TTC29: variants seen among roughly 807,000 people sequenced by gnomAD.
TTC29 encodes the protein tetratricopeptide repeat protein 29.
A neutral mutation model predicts 58.1 loss-of-function variants in TTC29; 49 were observed. That is an observed-to-expected ratio of 0.84 (90% CI 0.67 to 1.07). TTC29 has a LOEUF of 1.07. Ranked by LOEUF, TTC29 falls within the 50% of genes least tolerant of loss-of-function variation. The probability of loss-of-function intolerance (pLI) is 0.00; values close to 1 mark genes in which losing one functional copy is unlikely to be tolerated. For synonymous variants in TTC29, 209 were observed against 196.8 expected (o/e 1.06, Z -0.52); for missense variants, 582 against 555.6 (o/e 1.05, Z -0.48).
chr4:146,923,287 G>C (rs974251130), intron 4 of TTC29, among the ~76,000 whole-genome samples: 1 of 151,574 alleles, frequency 6.6e-6, no homozygotes, highest in South Asian at 2.1e-4. Context: ...AATTAAAATC[G>C]TAGCTCAATA....
intron 4 of TTC29, among the ~76,000 whole-genome samples, chr4:146,912,091 A>G (rs1733935582): frequency 6.6e-6 from 1 of 150,938 alleles, no homozygotes; most frequent in Non-Finnish European, 1.5e-5. Context: ...TAACACTAAC[A>G]ATAGCTGATA....
intron 11 of TTC29, among the ~76,000 whole-genome samples, chr4:146,729,899 G>A (rs1033887792): frequency 9.2e-5 from 14 of 151,808 alleles, no homozygotes; most frequent in African/African-American, 2.7e-4. Flanking sequence ...ACCCTCCCTC[G>A]ATACGTGGGG....
At chr4:146,842,051 T>C (rs945744072) in intron 8 of TTC29, among the ~76,000 whole-genome samples, 1 of 152,066 alleles carries the variant, frequency 6.6e-6, no homozygotes, top group Non-Finnish European at 1.5e-5. Context: ...TGTTTTAGGT[T>C]GCTATAATTA....
intron 8 of TTC29, among the ~76,000 whole-genome samples, chr4:146,843,848 T>C (rs750674961): frequency 4.6e-5 from 7 of 152,334 alleles, no homozygotes; most frequent in Non-Finnish European, 8.8e-5. Flanking sequence ...TTGTATTTGA[T>C]TGAAATTTTA....
chr4:146,868,891 T>C (rs940467113), intron 7 of TTC29, among the ~76,000 whole-genome samples: 3 of 151,994 alleles, frequency 2.0e-5, no homozygotes, highest in Non-Finnish European at 4.4e-5. Flanking sequence ...CTTGGTGCCA[T>C]CCTTATGGTA....
At chr4:146,866,777 A>C (rs1730589622) in intron 8 of TTC29, among the ~76,000 whole-genome samples, 1 of 152,210 alleles carries the variant, frequency 6.6e-6, no homozygotes, top group African/African-American at 2.4e-5. Flanking sequence ...GGAACAAAGA[A>C]GATCCCAAAA....
chr4:146,748,040 G>A (rs1265769106), intron 11 of TTC29, among the ~76,000 whole-genome samples: 2 of 152,208 alleles, frequency 1.3e-5, no homozygotes, highest in African/African-American at 4.8e-5. Context: ...CAGAGCCTAG[G>A]CTACTGCCAC....
intron 4 of TTC29, among the ~76,000 whole-genome samples, chr4:146,923,279 T>A (rs1443913820): frequency 6.6e-6 from 1 of 151,604 alleles, no homozygotes; most frequent in Non-Finnish European, 1.5e-5. Flanking sequence ...CATAAGAAAA[T>A]TAAAATCGTA....
chr4:146,790,940 C>T (rs1202983386), intron 11 of TTC29, among the ~76,000 whole-genome samples: 1 of 152,158 alleles, frequency 6.6e-6, no homozygotes, highest in East Asian at 1.9e-4. Flanking sequence ...TATATGCAAA[C>T]CTGAAAAATT....
chr4:146,769,908 C>A (rs35085760), intron 11 of TTC29, among the ~76,000 whole-genome samples: 9,134 of 151,966 alleles, frequency 0.06, 378 homozygotes, highest in Admixed American at 0.13. Flanking sequence ...CTTCTCAAAG[C>A]TTTTTGTGTC....
intron 4 of TTC29, among the ~76,000 whole-genome samples, chr4:146,919,169 A>C (rs995101329): frequency 6.6e-6 from 1 of 151,102 alleles, no homozygotes; most frequent in East Asian, 1.9e-4. Context: ...TTAAAGGAGA[A>C]TTTTTCAGGG....
intron 6 of TTC29, among the ~76,000 whole-genome samples, chr4:146,893,998 T>G (rs1405516814): frequency 5.3e-5 from 8 of 152,112 alleles, no homozygotes; most frequent in Admixed American, 1.3e-4. Context: ...TCACACCAGC[T>G]AGAATGGCAA....
intron 7 of TTC29, among the ~76,000 whole-genome samples, chr4:146,873,280 T>C (rs1731052943): frequency 6.6e-6 from 1 of 152,172 alleles, no homozygotes; most frequent in Non-Finnish European, 1.5e-5. Context: ...TTACCCTCTT[T>C]AAGAGCTCTG....
At chr4:146,714,260 CA>C (rs911441678) in intron 11 of TTC29, among the ~76,000 whole-genome samples, 1 of 152,006 alleles carries the variant, frequency 6.6e-6, no homozygotes, top group Non-Finnish European at 1.5e-5. Flanking sequence ...GGAACAAAAA[CA>C]AAGTTACTCT....
intron 8 of TTC29, among the ~76,000 whole-genome samples, chr4:146,844,709 T>C (rs972848451): frequency 6.6e-6 from 1 of 152,106 alleles, no homozygotes; most frequent in Non-Finnish European, 1.5e-5. Context: ...GCTAAGGAAA[T>C]CCATTGGAGA....
chr4:146,937,537 GAATC>G (rs1735940187), intron 4 of TTC29, 53 bp downstream of exon 4: 1 of 1,124,848 alleles, frequency 8.9e-7, no homozygotes, highest in African/African-American at 1.6e-5. Context: ...TTTCAATAAA[GAATC>G]AAGACAAAAG....
chr4:146,939,768 T>A (rs1322884849), intron 3 of TTC29, 36 bp downstream of exon 3: 1 of 1,546,274 alleles, frequency 6.5e-7, no homozygotes, highest in Non-Finnish European at 8.8e-7. Context: ...GAAAATTCCT[T>A]CTGTAGGAAA....
chr4:146,772,781 C>T (rs1415094542), intron 11 of TTC29, among the ~76,000 whole-genome samples: 3 of 151,978 alleles, frequency 2.0e-5, no homozygotes, highest in South Asian at 2.1e-4. Flanking sequence ...GGCAGTTTGA[C>T]AGGAATAGCA....
chr4:146,874,611 A>G, intron 7 of TTC29, 105 bp downstream of exon 7: 1 of 903,828 alleles, frequency 1.1e-6, no homozygotes, highest in Non-Finnish European at 1.7e-6. Context: ...TTTGCATTTC[A>G]TAGGAAATAA....
Sources: gnomAD v4.1 joint callset for allele counts (sites outside exome capture counted in the v4.1 genomes callset) on GRCh38, gnomAD v4.1.1 for gene constraint, MANE v1.5 for transcripts, NCBI Gene and HGNC (gene_info 2026-07-23, HGNC 2026-07-21) for gene names.